Variants in ACTR10 observed in about 807,000 individuals in gnomAD.
ACTR10 encodes actin related protein 10.
A neutral mutation model predicts 56.2 loss-of-function variants in ACTR10; 43 were observed. The ratio of observed to expected loss-of-function variants is 0.77; its 90% CI spans 0.60 to 0.99. ACTR10 has a LOEUF of 0.99. ACTR10 is among the 50% of genes least tolerant of loss of function. ACTR10 has a pLI of 0.00. For missense variants in ACTR10, 466 were observed against 507.8 expected (o/e 0.92, Z 0.79); for synonymous variants, 170 against 176.3 (o/e 0.96, Z 0.28).
chr14:58,228,003 A>AG (rs1341191796), intron 10 of ACTR10, among the ~76,000 whole-genome samples: 1 of 152,160 alleles, frequency 6.6e-6, no homozygotes. Context: ...TTGGGATGCC[A>AG]GTGCTGTTGG....
intron 10 of ACTR10, among the ~76,000 whole-genome samples, chr14:58,225,848 G>C (rs1335930073): frequency 6.6e-6 from 1 of 152,028 alleles, no homozygotes; most frequent in Non-Finnish European, 1.5e-5. Flanking sequence ...AAGTAGCTAG[G>C]ATTACAGGCG....
At chr14:58,216,964 G>A (rs987189893) in intron 7 of ACTR10, among the ~76,000 whole-genome samples, 4 of 152,150 alleles carry the variant, frequency 2.6e-5, no homozygotes, top group Non-Finnish European at 5.9e-5. Context: ...GTTGGAAAGC[G>A]AGATTTTTGC....
chr14:58,220,979 T>C (rs1027806976), intron 8 of ACTR10, among the ~76,000 whole-genome samples: 1 of 152,068 alleles, frequency 6.6e-6, no homozygotes, highest in Non-Finnish European at 1.5e-5. Context: ...AGAAACCCTT[T>C]CTGTTAAAAA....
intron 5 of ACTR10, among the ~76,000 whole-genome samples, chr14:58,211,919 G>A (rs1187577927): frequency 2.7e-5 from 4 of 149,148 alleles, no homozygotes; most frequent in South Asian, 2.1e-4. Flanking sequence ...CAGCCTGGGC[G>A]ACAGAGCGAG....
In ACTR10 at chr14:58,234,663, G is replaced by C; in HGVS notation, c.*112G>C. 1.0e-6 allele frequency: 1 copy of C among 980,010 alleles called. No homozygotes were observed. Among genetic ancestry groups the C allele is most frequent in the Non-Finnish European group, 1.4e-6 (1 of 693,622 alleles). The allele number at this position is 980,010 out of a possible 1,614,324, so 60.7% of individuals were successfully genotyped here. On this transcript the variant is annotated 3_prime_UTR_variant, in exon 13 of 13. Transcript: ENST00000254286. ...ATAGAGGACTATAGTGGAAGTGAAA[G>C]CATTCTGTGTTTACTCTTTGCATTA... is the stretch of plus-strand genomic sequence containing the variant.
At chr14:58,230,581 T>C (rs1280046716) in intron 11 of ACTR10, 101 bp downstream of exon 11, 1 of 478,400 alleles carries the variant, frequency 2.1e-6, no homozygotes, top group Non-Finnish European at 3.6e-6. Context: ...CACATATTAT[T>C]TTTAATATGT....
At chr14:58,200,579 C>T (rs931988774) in intron 1 of ACTR10, among the ~76,000 whole-genome samples, 1 of 152,222 alleles carries the variant, frequency 6.6e-6, no homozygotes, top group Non-Finnish European at 1.5e-5. Context: ...TTGGGATCAT[C>T]TGTGTAGGGG....
rs148082193 is a variant in ACTR10 at position 58,210,025 on chromosome 14, T to A, written c.342+918T>A. ...GATGTCATGAGTCCAGGAATTTCAT[T>A]TGTAGTAAGGAGAACATAAAGCAAA... On this transcript the variant is annotated intron_variant, in intron 4 of 12. Coordinates refer to ENST00000254286, the MANE Select transcript of ACTR10 (RefSeq NM_018477.3). Among the ~76,000 whole-genome samples the A allele has an allele frequency of 6.6e-5, 10 of 152,290 alleles. No homozygotes were observed. The East Asian group carries it at 1.9e-3, about 29-fold the overall frequency.
intron 7 of ACTR10, among the ~76,000 whole-genome samples, chr14:58,219,208 TGGTAA>T (rs1889209548): frequency 6.6e-6 from 1 of 152,324 alleles, no homozygotes; most frequent in African/African-American, 2.4e-5. Flanking sequence ...TTTATAACAA[TGGTAA>T]TATATCCAAA....
Position 58,209,123 on chromosome 14 carries a change from T to C in ACTR10, c.342+16T>C. ...ATATTTTGAGGTACCTGTCTTTATATCAAATAAGTAAATTGCTTTTGAAAT... is the reference window on the plus strand; with the variant it reads ...ATATTTTGAGGTACCTGTCTTTATACCAAATAAGTAAATTGCTTTTGAAAT... On this transcript the variant is annotated intron_variant, in intron 4 of 12. Coordinates refer to ENST00000254286, the MANE Select transcript of ACTR10 (RefSeq NM_018477.3). 6.8e-7 allele frequency: 1 copy of C among 1,471,156 alleles called. No individual in the cohort carries two copies. The highest frequency in any genetic ancestry group is 2.3e-5 in the East Asian group (1 of 43,008). 91.1% of individuals were successfully genotyped at this position (1,471,156 alleles called of 1,614,324 possible).
chr14:58,217,279 C>T (rs1025845717), intron 7 of ACTR10, among the ~76,000 whole-genome samples: 2 of 152,118 alleles, frequency 1.3e-5, no homozygotes, highest in South Asian at 4.1e-4. Context: ...CCTTTTAATA[C>T]TCACAATCTG....
In ACTR10 at chr14:58,215,223, A is replaced by T. The variant is rs372971756; in HGVS notation, c.537A>T (p.Leu179=). The change falls in exon 7 of 13, where the codon CTA becomes CTT. Residue 179 remains leucine, a synonymous_variant. Transcript: ENST00000254286. ...ATTTCAGAGAGTTGGAAACTCAACT[A>T]TTGGAACAATGTACTGTTGACACAA... ...KALHKELETQ[L]LEQCTVDTSV... 1 of 1,602,672 alleles carries T rather than the reference A, an allele frequency of 6.2e-7. No individual in the cohort carries two copies. The highest frequency in any genetic ancestry group is 8.5e-7 in the Non-Finnish European group (1 of 1,175,664).
At chr14:58,231,402 G>A (rs1393984020) in intron 11 of ACTR10, among the ~76,000 whole-genome samples, 1 of 152,154 alleles carries the variant, frequency 6.6e-6, no homozygotes, top group Non-Finnish European at 1.5e-5. Flanking sequence ...ACCTAGTGTG[G>A]CTTGTGGTTC....
chr14:58,228,977 G>A (rs1198592697), intron 10 of ACTR10, among the ~76,000 whole-genome samples: 1 of 152,086 alleles, frequency 6.6e-6, no homozygotes, highest in Non-Finnish European at 1.5e-5. Flanking sequence ...AGATAATACA[G>A]AGAGGTCCCA....
In ACTR10 at chr14:58,213,431, A is replaced by T. The variant is rs578130001; in HGVS notation, c.451-200A>T. 6.6e-6 allele frequency: 3 copies of T among 453,540 alleles called. No individual in the cohort carries two copies. In the East Asian group the frequency reaches 1.1e-4, roughly 16 times the overall value. The allele number at this position is 453,540 out of a possible 1,614,324, so 28.1% of individuals were successfully genotyped here. A position where few individuals can be genotyped will look rare whatever the true frequency, so the allele number is the denominator to read the frequency against. On this transcript the variant is annotated intron_variant, in intron 5 of 12. Coordinates refer to ENST00000254286, the MANE Select transcript of ACTR10 (RefSeq NM_018477.3). ...ATGAATTGTGTGTGGTCATGTGCTTATGTGTATTTTTATTCTGTTTTCTTT... is the reference window on the plus strand; with the variant it reads ...ATGAATTGTGTGTGGTCATGTGCTTTTGTGTATTTTTATTCTGTTTTCTTT...
At chr14:58,202,336 CTT>C (rs1341524565) in intron 1 of ACTR10, among the ~76,000 whole-genome samples, 14 of 151,848 alleles carry the variant, frequency 9.2e-5, no homozygotes, top group Non-Finnish European at 1.9e-4. Flanking sequence ...AATACCAGCA[CTT>C]TGGGAGGCCG....
intron 2 of ACTR10, among the ~76,000 whole-genome samples, chr14:58,205,681 C>T (rs1276535900): frequency 6.6e-6 from 1 of 152,036 alleles, no homozygotes; most frequent in Non-Finnish European, 1.5e-5. Flanking sequence ...TCTGCAAATC[C>T]TTGGACAAGC....
chr14:58,220,348 A>T (rs1233440201), intron 8 of ACTR10, among the ~76,000 whole-genome samples: 1 of 101,418 alleles, frequency 9.9e-6, no homozygotes, highest in Non-Finnish European at 2.1e-5. Flanking sequence ...AATCTAATAC[A>T]GTTGGGGCTG....
chr14:58,223,542 A>T (rs1313670599), intron 8 of ACTR10, 80 bp from the exon 9 acceptor site: 1 of 1,090,030 alleles, frequency 9.2e-7, no homozygotes. Context: ...CTTGAATAGA[A>T]TTGTTTTAAC....
Sources: gnomAD v4.1 joint callset for allele counts (sites outside exome capture counted in the v4.1 genomes callset) on GRCh38, gnomAD v4.1.1 for gene constraint, MANE v1.5 for transcripts, NCBI Gene and HGNC (gene_info 2026-07-23, HGNC 2026-07-21) for gene names.